The following GRM8 variants were observed in gnomAD, a reference collection of about 807,000 sequenced individuals.
GRM8 encodes the protein metabotropic glutamate receptor 8.
In GRM8, 47 loss-of-function variants were observed where a neutral mutation model predicts 87.2. The ratio of observed to expected loss-of-function variants is 0.54; its 90% CI spans 0.43 to 0.69. GRM8 has a LOEUF of 0.69. GRM8 is among the 30% of genes least tolerant of loss of function. The pLI is 0.00. For missense variants in GRM8, 1,019 were observed against 1,139.2 expected (o/e 0.89, Z 1.52); for synonymous variants, 396 against 404.5 (o/e 0.98, Z 0.25).
chr7:126,541,807 C>G (rs1213117909), intron 8 of GRM8, among the ~76,000 whole-genome samples: 3 of 152,210 alleles, frequency 2.0e-5, no homozygotes, highest in African/African-American at 7.2e-5. Flanking sequence ...GAGATCGTAG[C>G]ATTCTAATCA....
intron 3 of GRM8, among the ~76,000 whole-genome samples, chr7:127,042,294 T>C (rs1267343485): frequency 3.3e-5 from 5 of 152,170 alleles, no homozygotes; most frequent in Admixed American, 3.3e-4. Context: ...GCATTTGAAC[T>C]GGGCCAAGTA....
At chr7:127,186,097 A>T (rs1420030457) in intron 2 of GRM8, among the ~76,000 whole-genome samples, 1 of 152,220 alleles carries the variant, frequency 6.6e-6, no homozygotes, top group African/African-American at 2.4e-5. Context: ...GAAGGAGGTG[A>T]TGTGGAGAAC....
chr7:126,834,900 C>T (rs1795701569), intron 6 of GRM8, among the ~76,000 whole-genome samples: 1 of 151,624 alleles, frequency 6.6e-6, no homozygotes, highest in African/African-American at 2.4e-5. Context: ...GAGTTTGAGA[C>T]CCGGTCTCTG....
intron 6 of GRM8, among the ~76,000 whole-genome samples, chr7:126,866,610 G>C (rs1374693355): frequency 7.8e-5 from 2 of 25,528 alleles, no homozygotes; most frequent in African/African-American, 2.9e-4. Flanking sequence ...TTTTTTTTTT[G>C]AGACGGAGTC....
intron 7 of GRM8, among the ~76,000 whole-genome samples, chr7:126,719,532 T>C (rs533801614): frequency 3.9e-4 from 60 of 152,346 alleles, no homozygotes; most frequent in Admixed American, 1.2e-3. Flanking sequence ...AGTCATGTCA[T>C]ACATGAAAGT....
At chr7:126,926,679 C>T (rs1315440158) in intron 3 of GRM8, among the ~76,000 whole-genome samples, 1 of 152,192 alleles carries the variant, frequency 6.6e-6, no homozygotes, top group East Asian at 1.9e-4. Flanking sequence ...TAATTTAGCT[C>T]AGACTTCAGT....
At chr7:127,008,696 C>A (rs1217544864) in intron 3 of GRM8, among the ~76,000 whole-genome samples, 1 of 151,918 alleles carries the variant, frequency 6.6e-6, no homozygotes, top group Non-Finnish European at 1.5e-5. Flanking sequence ...AGTACAAAAA[C>A]AATATTCAAA....
intron 3 of GRM8, among the ~76,000 whole-genome samples, chr7:126,970,019 G>A (rs1336200317): frequency 2.6e-5 from 4 of 151,970 alleles, no homozygotes; most frequent in African/African-American, 9.7e-5. Context: ...CTGAGCAGCA[G>A]GTCTTAAGAG....
At chr7:126,875,724 T>C (rs2130938834) in intron 6 of GRM8, among the ~76,000 whole-genome samples, 1 of 152,162 alleles carries the variant, frequency 6.6e-6, no homozygotes, top group African/African-American at 2.4e-5. Flanking sequence ...CTGTGGTTAT[T>C]GCCTTAGGTC....
In GRM8 at chr7:126,644,031, T is replaced by C. The variant is rs1164131943; in HGVS notation, c.1358-34533A>G. Among the ~76,000 whole-genome samples, 8 of 152,362 alleles carry C rather than the reference T, an allele frequency of 5.3e-5. No individual in the cohort carries two copies. The East Asian group carries it at 1.5e-3, about 29-fold the overall frequency. ...AGTGGGTTTGGTTAAAAGGAAATCA[T>C]GTACATTTAATGTAGAGTTTCGTCT... On this transcript the variant is annotated intron_variant, in intron 7 of 10. Coordinates refer to ENST00000339582, the MANE Select transcript of GRM8 (RefSeq NM_000845.3).
chr7:126,752,347 T>A (rs937704988), intron 7 of GRM8, among the ~76,000 whole-genome samples: 17 of 152,110 alleles, frequency 1.1e-4, no homozygotes, highest in Non-Finnish European at 5.9e-5. Context: ...ATTTGACTAG[T>A]TGTTATCCGA....
intron 2 of GRM8, among the ~76,000 whole-genome samples, chr7:127,231,471 G>C (rs1427554954): frequency 6.6e-6 from 1 of 152,196 alleles, no homozygotes; most frequent in African/African-American, 2.4e-5. Flanking sequence ...ATTTTAAACA[G>C]GTGGCACAAG....
chr7:127,212,250 T>C (rs1460777211), intron 2 of GRM8, among the ~76,000 whole-genome samples: 3 of 152,190 alleles, frequency 2.0e-5, no homozygotes, highest in Non-Finnish European at 4.4e-5. Flanking sequence ...GTTTTTGAGC[T>C]GTCAAAGAAA....
chr7:126,533,502 G>A lies in GRM8; in HGVS notation c.1880C>T (p.Thr627Met), dbSNP rs142400397. The change falls in exon 9 of 11, where the codon ACG (threonine) becomes ATG (methionine). Residue 627 changes from threonine (T) to methionine (M), a missense_variant. Coordinates refer to ENST00000339582, the MANE Select transcript of GRM8 (RefSeq NM_000845.3). ...SGRELSYVLL[T>M]GIFLCYSITF... ...GATTGAATAACAGAGAAAAATCCCC[G>A]TTAGGAGCACGTAACTAAGTTCGCG... 4.2e-5 allele frequency: 68 copies of A among 1,614,066 alleles called. No homozygotes were observed. The Middle Eastern group carries it at 4.9e-4, about 12-fold the overall frequency.
rs1281501023 is a variant in GRM8 at position 126,533,814 on chromosome 7, C to T, written c.1568G>A (p.Gly523Glu). 1.9e-6 allele frequency: 3 copies of T among 1,614,136 alleles called. No individual in the cohort carries two copies. The highest frequency in any genetic ancestry group is 1.7e-6 in the Non-Finnish European group (2 of 1,180,002). Residue 523 changes from glycine (G) to glutamate (E), a missense_variant, in exon 9 of 11, where the codon GGG becomes GAG. Physicochemically the swap from Gly to Glu is moderately conservative, Grantham distance 98. Coordinates refer to ENST00000339582, the MANE Select transcript of GRM8 (RefSeq NM_000845.3). Reference protein sequence around the residue: ...ASVCSLPCKPGERKKTVKGVP... With the variant: ...ASVCSLPCKPEERKKTVKGVP... ...CCCTTTCACCGTTTTCTTCCTCTCCCCTGGCTTACACGGCAGGCTGCAGAC... is the reference window on the plus strand; with the variant it reads ...CCCTTTCACCGTTTTCTTCCTCTCCTCTGGCTTACACGGCAGGCTGCAGAC...
intron 7 of GRM8, among the ~76,000 whole-genome samples, chr7:126,633,558 C>T (rs900798400): frequency 1.3e-5 from 2 of 152,034 alleles, no homozygotes; most frequent in South Asian, 2.1e-4. Flanking sequence ...AATTGTTGTG[C>T]TAAAACAAAT....
intron 7 of GRM8, among the ~76,000 whole-genome samples, chr7:126,652,380 T>A (rs1478488549): frequency 6.6e-6 from 1 of 152,220 alleles, no homozygotes; most frequent in African/African-American, 2.4e-5. Flanking sequence ...TGATTAATAC[T>A]GAGTGTCAAC....
chr7:127,216,086 T>C (rs894295960), intron 2 of GRM8, among the ~76,000 whole-genome samples: 34 of 152,324 alleles, frequency 2.2e-4, no homozygotes, highest in African/African-American at 7.9e-4. Flanking sequence ...ATCTGCTCTT[T>C]GCAAGGTACA....
chr7:126,508,729 T>C (rs1436904804), intron 9 of GRM8, among the ~76,000 whole-genome samples: 1 of 152,076 alleles, frequency 6.6e-6, no homozygotes, highest in African/African-American at 2.4e-5. Flanking sequence ...AGTTGAAAGG[T>C]AAATTAGTTA....
Sources: allele counts gnomAD v4.1 joint callset (sites outside exome capture counted in the v4.1 genomes callset), GRCh38; gene constraint gnomAD v4.1.1; transcripts MANE v1.5; gene names NCBI Gene and HGNC (gene_info 2026-07-23, HGNC 2026-07-21).